CUX1: variants seen among roughly 807,000 people sequenced by gnomAD.
CUX1 encodes protein CASP.
A neutral mutation model predicts 158.8 loss-of-function variants in CUX1; 31 were observed. That is an observed-to-expected ratio of 0.20 (90% CI 0.15 to 0.26). CUX1 has a LOEUF of 0.26. Ranked by LOEUF, CUX1 falls within the 10% of genes least tolerant of loss-of-function variation. The pLI is 1.00. For missense variants in CUX1, 1,589 were observed against 2,014.6 expected (o/e 0.79, Z 4.04); for synonymous variants, 879 against 862.1 (o/e 1.02, Z -0.34).
At chr7:102,236,606 A>C (rs1799592696) in intron 22 of CUX1, among the ~76,000 whole-genome samples, 1 of 152,140 alleles carries the variant, frequency 6.6e-6, no homozygotes, top group Admixed American at 6.5e-5. Flanking sequence ...GAAATCTCCA[A>C]CATAAACAAA....
chr7:101,934,647 C>G (rs1410094396), intron 2 of CUX1, among the ~76,000 whole-genome samples: 1 of 152,146 alleles, frequency 6.6e-6, no homozygotes, highest in Non-Finnish European at 1.5e-5. Flanking sequence ...TTGCCCGCTC[C>G]GTCCACGTCC....
intron 1 of CUX1, among the ~76,000 whole-genome samples, chr7:101,846,403 C>T (rs770662752): frequency 9.9e-5 from 15 of 152,180 alleles, no homozygotes; most frequent in Admixed American, 9.2e-4. Context: ...ACTGCAGCCT[C>T]GACCTCCTGG....
intron 21 of CUX1, among the ~76,000 whole-genome samples, chr7:102,228,097 C>A (rs782514945): frequency 1.3e-5 from 2 of 151,762 alleles, no homozygotes; most frequent in Non-Finnish European, 2.9e-5. Context: ...ATTACAGGTA[C>A]CTGCCACCAC....
rs577531823 is a variant in CUX1, at chr7:101,817,779, C to G, written c.30+110C>G. On this transcript the variant is annotated intron_variant, in intron 1 of 23. Coordinates refer to ENST00000292535, the MANE Select transcript of CUX1 (RefSeq NM_181552.4). The surrounding 1 kb of genome is among the most constrained non-coding windows in gnomAD (Gnocchi z 4.1). ...TAGAATGCTCTAGGGCGGCCTGGTGCTCTGGGAGGGGATAGGAGGGTTCCT... is the reference window on the plus strand; with the variant it reads ...TAGAATGCTCTAGGGCGGCCTGGTGGTCTGGGAGGGGATAGGAGGGTTCCT... The G allele has an allele frequency of 1.5e-6, 2 of 1,352,960 alleles. No homozygotes were observed. The highest frequency in any genetic ancestry group is 1.3e-5 in the South Asian group (1 of 74,648). The allele number at this position is 1,352,960 out of a possible 1,614,324, so 83.8% of individuals were successfully genotyped here. A position where few individuals can be genotyped will look rare whatever the true frequency, so the allele number is the denominator to read the frequency against.
chr7:101,969,359 C>CAAAAAAAAAAAAAAAAAAAAAAAA (rs10711703), intron 2 of CUX1, among the ~76,000 whole-genome samples: 4 of 56,110 alleles, frequency 7.1e-5, no homozygotes, highest in Admixed American at 2.1e-4. Flanking sequence ...CAAAAAACAG[C>CAAAAAAAAAAAAAAAAAAAAAAAA]AAAAAAAAAA....
chr7:102,050,030 G>A (rs1474665208), intron 3 of CUX1, among the ~76,000 whole-genome samples: 1 of 152,182 alleles, frequency 6.6e-6, no homozygotes, highest in Admixed American at 6.5e-5. Context: ...ACACCCCCCT[G>A]ATAGGAGCAG....
intron 2 of CUX1, among the ~76,000 whole-genome samples, chr7:101,990,199 A>G (rs534601975): frequency 4.6e-5 from 5 of 109,614 alleles, no homozygotes; most frequent in East Asian, 2.1e-4. Flanking sequence ...TCTCTTAAGG[A>G]AAAAAAAAAG....
chr7:101,974,182 T>G (rs965607847), intron 2 of CUX1, among the ~76,000 whole-genome samples: 4 of 151,710 alleles, frequency 2.6e-5, no homozygotes, highest in Admixed American at 2.0e-4. Context: ...TGCTCTCACC[T>G]CAGCCTCCCA....
intron 8 of CUX1, among the ~76,000 whole-genome samples, chr7:102,119,716 T>G (rs1389084812): frequency 3.9e-5 from 6 of 152,178 alleles, no homozygotes; most frequent in Admixed American, 2.0e-4. Context: ...TTTTTTCTTT[T>G]TTGAAATTTT....
At chr7:102,277,966 G>A (rs782248818) in exon 18 of CUX1, 6 of 1,295,578 alleles carry the variant, frequency 4.6e-6, no homozygotes, top group South Asian at 1.3e-5. Context: ...GCCTGGCCCA[G>A]CACACCCTCC....
rs914790208 is a variant in CUX1, at chr7:102,117,484, C to T, written c.674+2211C>T. 5.4e-5 allele frequency among the ~76,000 whole-genome samples: 8 copies of T among 148,424 alleles called. No individual in the cohort carries two copies. In the South Asian group the frequency reaches 8.5e-4, roughly 16 times the overall value. ...GCTCATAGTACCGGCAGGGTTTCCA[C>T]GCCTGGGTTTGAATGAGCCAGAGCG... On this transcript the variant is annotated intron_variant, in intron 8 of 23. Transcript: ENST00000292535.
At chr7:101,890,430 A>G (rs1800757198) in intron 1 of CUX1, among the ~76,000 whole-genome samples, 1 of 144,676 alleles carries the variant, frequency 6.9e-6, no homozygotes, top group Middle Eastern at 3.5e-3. Flanking sequence ...CCCCCCCTCC[A>G]CCCCCGCCTT....
intron 2 of CUX1, among the ~76,000 whole-genome samples, chr7:101,985,179 T>C (rs1290737033): frequency 1.3e-5 from 2 of 152,210 alleles, no homozygotes; most frequent in Non-Finnish European, 2.9e-5. Context: ...AACAGATGGT[T>C]TCTCACAGTA....
chr7:102,033,959 A>C (rs912546950), intron 3 of CUX1, among the ~76,000 whole-genome samples: 19 of 151,970 alleles, frequency 1.3e-4, no homozygotes, highest in Admixed American at 1.2e-3. Context: ...CAGCCTGGCC[A>C]ACATGGTGCA....
At chr7:101,911,369 T>C (rs761512174) in intron 1 of CUX1, among the ~76,000 whole-genome samples, 12 of 152,224 alleles carry the variant, frequency 7.9e-5, no homozygotes, top group South Asian at 4.1e-4. Context: ...GTGGATGACC[T>C]GAACCTTGGC....
chr7:102,206,678 C>T (rs970229440), intron 20 of CUX1, among the ~76,000 whole-genome samples: 2 of 152,162 alleles, frequency 1.3e-5, no homozygotes, highest in Non-Finnish European at 2.9e-5. Flanking sequence ...GGGTGCATCA[C>T]CTGAGGTCAG....
rs896437055 is a variant in CUX1, at chr7:101,869,202, T to C, written c.31-46913T>C. Among the ~76,000 whole-genome samples, 2 of 151,920 alleles carry C rather than the reference T, an allele frequency of 1.3e-5. No homozygotes were observed. The highest frequency in any genetic ancestry group is 4.8e-5 in the African/African-American group (2 of 41,354). On this transcript the variant is annotated intron_variant, in intron 1 of 23. Transcript: ENST00000292535. The surrounding 1 kb of genome is among the most constrained non-coding windows in gnomAD (Gnocchi z 4.5). ...TAGGGGGAGACCAGGATGAGCCCCA[T>C]GTGCGCGTGACCTGTGGCAGAGGGG...
intron 1 of CUX1, among the ~76,000 whole-genome samples, chr7:101,850,315 T>C (rs1395483264): frequency 2.6e-5 from 4 of 152,042 alleles, no homozygotes; most frequent in Non-Finnish European, 4.4e-5. Context: ...TTAATCAACA[T>C]TTTATAAGGC....
At chr7:102,009,214 C>A (rs147536708) in intron 2 of CUX1, among the ~76,000 whole-genome samples, 1 of 152,160 alleles carries the variant, frequency 6.6e-6, no homozygotes, top group Non-Finnish European at 1.5e-5. Context: ...CCTATTTACA[C>A]GACAGGGATG....
Sources: allele counts gnomAD v4.1 joint callset (sites outside exome capture counted in the v4.1 genomes callset), GRCh38; gene constraint gnomAD v4.1.1; non-coding constraint Gnocchi (gnomAD v3.1); transcripts MANE v1.5; gene names NCBI Gene and HGNC (gene_info 2026-07-23, HGNC 2026-07-21).